Variants in TMCO6 observed in about 807,000 individuals in gnomAD.
TMCO6 encodes the protein transmembrane and coiled-coil domains 6, also known as transmembrane and coiled-coil domain-containing protein 6.
TMCO6 carries 47 observed loss-of-function variants against 61.8 expected under a neutral mutation model. The ratio of observed to expected loss-of-function variants is 0.76; its 90% confidence interval spans 0.60 to 0.97. TMCO6 has a LOEUF of 0.97. TMCO6 is among the 50% of genes least tolerant of loss of function. The pLI, the probability that TMCO6 is intolerant of heterozygous loss-of-function variation, is 0.00. For synonymous variants in TMCO6, 261 were observed against 254.2 expected (o/e 1.03, Z -0.25); for missense variants, 557 against 601.6 (o/e 0.93, Z 0.78).
chr5:140,647,534 C>G (rs1482102411), downstream of TMCO6: 1 of 1,612,376 alleles, frequency 6.2e-7, no homozygotes, highest in East Asian at 2.2e-5. Context: ...GCGAATCTCA[C>G]GCAGGCCCAG....
chr5:140,603,070 G>A, the TMCO6 span, among the ~76,000 whole-genome samples: 2 of 150,982 alleles, frequency 1.3e-5, no homozygotes, highest in East Asian at 1.9e-4. Flanking sequence ...TAGTGTATTC[G>A]CACTGTTGTG....
the TMCO6 span, among the ~76,000 whole-genome samples, chr5:140,596,840 A>C: frequency 6.6e-6 from 1 of 152,188 alleles, no homozygotes; most frequent in Non-Finnish European, 1.5e-5. Context: ...TGAGCCTTGG[A>C]AGACCAGCTC....
chr5:140,609,958 A>G, the TMCO6 span, among the ~76,000 whole-genome samples: 1 of 151,928 alleles, frequency 6.6e-6, no homozygotes, highest in Non-Finnish European at 1.5e-5. Context: ...CTGCAACCTC[A>G]AGCCCCAGGG....
chr5:140,617,942 A>G, the TMCO6 span, among the ~76,000 whole-genome samples: 2 of 152,196 alleles, frequency 1.3e-5, no homozygotes, highest in Non-Finnish European at 2.9e-5. Context: ...GGTACGAGCA[A>G]AAGGCTCAGA....
chr5:140,609,368 G>A, the TMCO6 span: 1 of 256,690 alleles, frequency 3.9e-6, no homozygotes, highest in South Asian at 4.2e-5. Flanking sequence ...CAACATCCTG[G>A]CCGCCAAGAG....
the TMCO6 span, among the ~76,000 whole-genome samples, chr5:140,617,388 C>T: frequency 1.3e-5 from 2 of 152,108 alleles, no homozygotes. Flanking sequence ...ATGGCAGAAC[C>T]CCGTCTGTAC....
At chr5:140,643,086 C>A in intron 7 of TMCO6, 45 bp downstream of exon 7, 1 of 1,612,970 alleles carries the variant, frequency 6.2e-7, no homozygotes. Flanking sequence ...CCCTGGGGCT[C>A]CCTTCCATGA....
downstream of TMCO6, chr5:140,646,978 A>G (rs1757440064): frequency 2.7e-6 from 1 of 366,314 alleles, no homozygotes; most frequent in African/African-American, 2.1e-5. Context: ...TATATTGACT[A>G]ACTTCTCTCC....
In TMCO6 at chr5:140,643,489, G is replaced by A. The variant is rs1431474449; in HGVS notation, c.807-75G>A. On this transcript the variant is annotated intron_variant, in intron 7 of 11. Transcript: ENST00000394671. ...TGGGATTACAGGCATAAGCCACCACGCCTAGGCAACTGCTTCTCTTCTTAA... is the reference window on the plus strand; with the variant it reads ...TGGGATTACAGGCATAAGCCACCACACCTAGGCAACTGCTTCTCTTCTTAA... 1.6e-5 allele frequency: 23 copies of A among 1,396,914 alleles called. No individual in the cohort carries two copies. The East Asian group carries it at 2.1e-4, about 13-fold the overall frequency. 86.5% of individuals were successfully genotyped at this position (1,396,914 alleles called of 1,614,324 possible). A position where few individuals can be genotyped will look rare whatever the true frequency, so the allele number is the denominator to read the frequency against.
the TMCO6 span, among the ~76,000 whole-genome samples, chr5:140,605,220 T>G: frequency 1.3e-5 from 2 of 152,242 alleles, no homozygotes; most frequent in African/African-American, 4.8e-5. Context: ...TTATCCCCAA[T>G]AGTTTTTTTG....
the TMCO6 span, among the ~76,000 whole-genome samples, chr5:140,605,469 C>T: frequency 2.0e-5 from 3 of 152,184 alleles, no homozygotes; most frequent in Non-Finnish European, 2.9e-5. Context: ...CACCTGAGGT[C>T]AGGAGTTCGA....
chr5:140,627,547 G>A, the TMCO6 span, among the ~76,000 whole-genome samples: 6 of 152,196 alleles, frequency 3.9e-5, no homozygotes, highest in Admixed American at 2.6e-4. Context: ...AAAGTCATAT[G>A]AACTAAAAGG....
chr5:140,617,936 C>T, the TMCO6 span, among the ~76,000 whole-genome samples: 9 of 152,154 alleles, frequency 5.9e-5, no homozygotes, highest in South Asian at 6.2e-4. Flanking sequence ...CAAAACGGTA[C>T]GAGCAAAAGG....
the TMCO6 span, chr5:140,632,390 G>C: frequency 1.9e-6 from 3 of 1,614,162 alleles, no homozygotes; most frequent in South Asian, 3.3e-5. This position sits in a 1 kb window ranked among gnomAD's most constrained non-coding sequence, Gnocchi z 6.2. Flanking sequence ...ACAGGTCTAG[G>C]CTGGTAAGGG....
At chr5:140,647,303 A>G, downstream of TMCO6, 1 of 1,586,124 alleles carries the variant, frequency 6.3e-7, no homozygotes, top group Non-Finnish European at 8.6e-7. Flanking sequence ...TTCGCGGATT[A>G]GGATGGGTAG....
At chr5:140,621,599 A>G in the TMCO6 span, among the ~76,000 whole-genome samples, 1 of 152,250 alleles carries the variant, frequency 6.6e-6, no homozygotes, top group Non-Finnish European at 1.5e-5. Context: ...TGAAAAAAGA[A>G]CAGGATAACA....
the TMCO6 span, among the ~76,000 whole-genome samples, chr5:140,612,488 C>T: frequency 2.6e-5 from 4 of 151,908 alleles, no homozygotes; most frequent in East Asian, 1.9e-4. Flanking sequence ...TATAGGCGCC[C>T]GCCACGGCGC....
chr5:140,621,843 C>A, the TMCO6 span, among the ~76,000 whole-genome samples: 1 of 152,106 alleles, frequency 6.6e-6, no homozygotes, highest in Non-Finnish European at 1.5e-5. Context: ...GTGAAATAGA[C>A]CCCAGTCTCC....
intron 4 of TMCO6, 100 bp downstream of exon 4, chr5:140,642,153 G>A (rs570517030): frequency 3.2e-5 from 48 of 1,483,652 alleles, no homozygotes; most frequent in Non-Finnish European, 4.4e-5. Context: ...AAACATGTTT[G>A]CCCTTATGCC....
Sources: gnomAD v4.1 joint callset for allele counts (sites outside exome capture counted in the v4.1 genomes callset) on GRCh38, gnomAD v4.1.1 for gene constraint, Gnocchi (gnomAD v3.1) non-coding constraint, MANE v1.5 for transcripts, NCBI Gene and HGNC (gene_info 2026-07-23, HGNC 2026-07-21) for gene names.